The following CHST11 variants were observed in gnomAD, a reference collection of about 807,000 sequenced individuals.
CHST11 encodes C4S-1.
Under a neutral mutation model 30.4 loss-of-function variants are expected in CHST11, and 9 were observed. That is an observed-to-expected ratio of 0.30 (90% CI 0.18 to 0.52). The LOEUF (loss-of-function observed/expected upper bound fraction) is 0.52. CHST11 is among the 20% of genes least tolerant of loss of function. The pLI is 0.97. For missense variants in CHST11, 348 were observed against 460.6 expected (o/e 0.76, Z 2.24); for synonymous variants, 152 against 187.8 (o/e 0.81, Z 1.56).
intron 1 of CHST11, among the ~76,000 whole-genome samples, chr12:104,576,026 G>T (rs921841878): frequency 6.6e-6 from 1 of 151,610 alleles, no homozygotes; most frequent in East Asian, 2.0e-4. Flanking sequence ...CATGAGCTTT[G>T]GTCTCTAAAA....
intron 1 of CHST11, among the ~76,000 whole-genome samples, chr12:104,532,517 C>T (rs1704918): frequency 0.56 from 85,024 of 152,034 alleles, 24,756 homozygotes; most frequent in East Asian, 0.97. Flanking sequence ...GGGAGGGGTG[C>T]AGAGCGTCCA....
Position 104,729,782 on chromosome 12 carries a change from C to A in CHST11, c.205-27167C>A, listed in dbSNP as rs115225209. On this transcript the variant is annotated intron_variant, in intron 2 of 2. Transcript: ENST00000303694. This position sits in a 1 kb window ranked among gnomAD's most constrained non-coding sequence, Gnocchi z 4.0. ...TCGATGGCGCTGGGGCAGAGGTCTG[C>A]GGAGAGTAGGTTGGGTTTAGAAAAA... Among the ~76,000 whole-genome samples the A allele has an allele frequency of 3.8e-3, 580 of 152,140 alleles. 4 individuals are homozygous for A. The highest frequency in any genetic ancestry group is 0.013 in the African/African-American group (553 of 41,500).
intron 1 of CHST11, among the ~76,000 whole-genome samples, chr12:104,537,391 G>T (rs186551712): frequency 3.3e-5 from 5 of 152,170 alleles, no homozygotes; most frequent in Admixed American, 2.0e-4. Flanking sequence ...CGACATTAGG[G>T]GGGTAGTGGG....
chr12:104,585,929 G>T (rs2038800148), intron 1 of CHST11, among the ~76,000 whole-genome samples: 1 of 152,126 alleles, frequency 6.6e-6, no homozygotes, highest in African/African-American at 2.4e-5. Context: ...TCTTCCCTGT[G>T]TGTGTCTCTG....
At chr12:104,615,480 T>C (rs142000431) in intron 2 of CHST11, among the ~76,000 whole-genome samples, 43 of 152,304 alleles carry the variant, frequency 2.8e-4, no homozygotes, top group African/African-American at 9.9e-4. Flanking sequence ...GAAAGATGAA[T>C]GTCTGAGGCC....
intron 2 of CHST11, among the ~76,000 whole-genome samples, chr12:104,707,393 G>T (rs986736310): frequency 5.3e-5 from 8 of 152,130 alleles, no homozygotes; most frequent in Admixed American, 3.3e-4. Context: ...CATTTAAAAA[G>T]TGAAATAGAA....
At chr12:104,675,693 C>T (rs2039736115) in intron 2 of CHST11, among the ~76,000 whole-genome samples, 1 of 152,196 alleles carries the variant, frequency 6.6e-6, no homozygotes. Flanking sequence ...CAAATTACTT[C>T]CCTGTGCCTC....
Position 104,468,596 on chromosome 12 carries a change from G to C in CHST11, c.118+11067G>C, listed in dbSNP as rs369454679. Among the ~76,000 whole-genome samples, 3 of 152,220 alleles carry C rather than the reference G, an allele frequency of 2.0e-5. No individual in the cohort carries two copies. In the East Asian group the frequency reaches 5.8e-4, roughly 29 times the overall value. On this transcript the variant is annotated intron_variant, in intron 1 of 2. Transcript: ENST00000303694. ...TTTAGTGATAGACATTCTGCGAAGG[G>C]TGGGACCTTTCTGCCCATCAAAGAA...
chr12:104,589,593 A>C (rs2038837861), intron 1 of CHST11, among the ~76,000 whole-genome samples: 1 of 152,156 alleles, frequency 6.6e-6, no homozygotes, highest in East Asian at 1.9e-4. Flanking sequence ...CAAAATGGTA[A>C]ATTTTATGTT....
At chr12:104,571,379 T>A (rs897252184) in intron 1 of CHST11, among the ~76,000 whole-genome samples, 7 of 152,104 alleles carry the variant, frequency 4.6e-5, no homozygotes, top group Non-Finnish European at 1.0e-4. Flanking sequence ...GTCAGGCTGG[T>A]CTTGATCTCC....
At chr12:104,660,264 C>T (rs2039586513) in intron 2 of CHST11, among the ~76,000 whole-genome samples, 2 of 152,136 alleles carry the variant, frequency 1.3e-5, no homozygotes, top group Non-Finnish European at 2.9e-5. Context: ...GGGTACCACG[C>T]CAGGACCAGA....
At chr12:104,614,145 T>G (rs2039086224) in intron 2 of CHST11, among the ~76,000 whole-genome samples, 1 of 152,252 alleles carries the variant, frequency 6.6e-6, no homozygotes, top group African/African-American at 2.4e-5. Context: ...CTAAGCATCA[T>G]GTTGTATACC....
At chr12:104,564,332 C>T (rs761017792) in intron 1 of CHST11, among the ~76,000 whole-genome samples, 6 of 152,172 alleles carry the variant, frequency 3.9e-5, no homozygotes, top group South Asian at 4.1e-4. Context: ...TGGGACAGTG[C>T]GGGAGGCACA....
At chr12:104,740,805 G>A (rs1352346288) in intron 2 of CHST11, among the ~76,000 whole-genome samples, 4 of 152,180 alleles carry the variant, frequency 2.6e-5, no homozygotes, top group African/African-American at 9.7e-5. Context: ...GTATCTTCAT[G>A]TCCTCGGCCA....
At chr12:104,756,042 C>G (rs1249171109) in intron 2 of CHST11, among the ~76,000 whole-genome samples, 1 of 152,142 alleles carries the variant, frequency 6.6e-6, no homozygotes, top group Non-Finnish European at 1.5e-5. Flanking sequence ...AGGAGGCAAC[C>G]AAGACACCAC....
chr12:104,630,857 T>C (rs2039263508), intron 2 of CHST11, among the ~76,000 whole-genome samples: 1 of 152,222 alleles, frequency 6.6e-6, no homozygotes, highest in Non-Finnish European at 1.5e-5. Flanking sequence ...TCCTGGCAAC[T>C]TGTGTCAGCA....
intron 2 of CHST11, among the ~76,000 whole-genome samples, chr12:104,624,457 G>C (rs918927319): frequency 1.3e-5 from 2 of 152,172 alleles, no homozygotes; most frequent in African/African-American, 4.8e-5. Context: ...GTACAAAGTT[G>C]TAAGCATGGT....
At chr12:104,608,106 A>C (rs1415953106) in intron 2 of CHST11, among the ~76,000 whole-genome samples, 3 of 152,052 alleles carry the variant, frequency 2.0e-5, no homozygotes, top group African/African-American at 7.3e-5. Context: ...TGGGGTGTTG[A>C]TATTTTTCAA....
chr12:104,719,495 G>A lies in CHST11; in HGVS notation c.205-37454G>A, dbSNP rs557324668. 2.6e-5 allele frequency among the ~76,000 whole-genome samples: 4 copies of A among 152,332 alleles called. No homozygotes were observed. In the South Asian group the frequency reaches 8.3e-4, roughly 32 times the overall value. On this transcript the variant is annotated intron_variant, in intron 2 of 2. Coordinates refer to ENST00000303694, the MANE Select transcript of CHST11 (RefSeq NM_018413.6). ...GGTGCACGCACACAGGGCTCAGGCT[G>A]CAGTCCGACAGAAACATAGGCTTCC...
Sources: gnomAD v4.1 joint callset for allele counts (sites outside exome capture counted in the v4.1 genomes callset) on GRCh38, gnomAD v4.1.1 for gene constraint, Gnocchi (gnomAD v3.1) non-coding constraint, MANE v1.5 for transcripts, NCBI Gene and HGNC (gene_info 2026-07-23, HGNC 2026-07-21) for gene names.